DOCK3: variants seen among roughly 807,000 people sequenced by gnomAD.
The protein encoded by DOCK3 is dedicator of cytokinesis 3, also known as dedicator of cytokinesis protein 3.
Under a neutral mutation model 265.6 loss-of-function variants are expected in DOCK3, and 60 were observed. The observed-to-expected ratio is 0.23, with a 90% CI of 0.18 to 0.28. The LOEUF (loss-of-function observed/expected upper bound fraction) is 0.28. Among genes scored for constraint, DOCK3 ranks in the 10% least tolerant of loss-of-function variants. The pLI is 1.00. For missense variants in DOCK3, 1,981 were observed against 2,594.3 expected (o/e 0.76, Z 5.14); for synonymous variants, 881 against 938.0 (o/e 0.94, Z 1.11).
intron 22 of DOCK3, among the ~76,000 whole-genome samples, chr3:51,257,552 T>C (rs1011211421): frequency 5.3e-5 from 8 of 152,138 alleles, no homozygotes; most frequent in Admixed American, 3.9e-4. Context: ...TTAGGGTGGC[T>C]CTTCACAAGG....
intron 9 of DOCK3, among the ~76,000 whole-genome samples, chr3:51,115,824 G>A (rs1446533844): frequency 6.6e-6 from 1 of 152,128 alleles, no homozygotes; most frequent in Non-Finnish European, 1.5e-5. Context: ...TTTTGTATAA[G>A]TCGTAAGGAA....
At chr3:51,277,523 T>C (rs1183413439) in intron 25 of DOCK3, 85 bp from the exon 26 acceptor site, 52 of 1,458,696 alleles carry the variant, frequency 3.6e-5, no homozygotes, top group Non-Finnish European at 4.4e-5. Context: ...AGACTACTGC[T>C]GATGTGGCTG....
intron 27 of DOCK3, among the ~76,000 whole-genome samples, chr3:51,298,260 A>C (rs956623658): frequency 6.6e-6 from 1 of 152,230 alleles, no homozygotes; most frequent in South Asian, 2.1e-4. Context: ...AGAACCATGT[A>C]ATCCTTTCTG....
At chr3:51,166,628 A>G (rs2086421329) in intron 12 of DOCK3, among the ~76,000 whole-genome samples, 1 of 152,194 alleles carries the variant, frequency 6.6e-6, no homozygotes, top group South Asian at 2.1e-4. Context: ...ATCACTTGTT[A>G]TCTCTTGTTT....
At chr3:50,870,377 CTCT>C (rs1380813533) in intron 3 of DOCK3, among the ~76,000 whole-genome samples, 2 of 152,114 alleles carry the variant, frequency 1.3e-5, no homozygotes, top group Non-Finnish European at 2.9e-5. Context: ...ACTTCTTCAA[CTCT>C]TCTTATAATT....
At chr3:51,297,792 TAA>T (rs764751994) in intron 27 of DOCK3, among the ~76,000 whole-genome samples, 694 of 17,944 alleles carry the variant, frequency 0.039, 3 homozygotes, top group South Asian at 0.08. Context: ...ATAATAATAA[TAA>T]TTTTTTTTTA....
chr3:51,285,402 A>G (rs1371032344), intron 27 of DOCK3, among the ~76,000 whole-genome samples: 4 of 152,118 alleles, frequency 2.6e-5, no homozygotes, highest in Non-Finnish European at 5.9e-5. Context: ...AATAATGTTC[A>G]TAAAGATGCT....
intron 9 of DOCK3, among the ~76,000 whole-genome samples, chr3:51,132,754 G>A (rs773520619): frequency 1.1e-4 from 16 of 152,176 alleles, no homozygotes; most frequent in Non-Finnish European, 1.8e-4. Context: ...GTTAAAGTGA[G>A]GGCATTTATT....
chr3:51,351,451 C>A (rs1311703189), intron 40 of DOCK3, among the ~76,000 whole-genome samples: 3 of 152,148 alleles, frequency 2.0e-5, no homozygotes, highest in Non-Finnish European at 4.4e-5. Context: ...TCCAGGCTAA[C>A]CACATTGCAG....
chr3:50,933,605 A>C (rs1313723408), intron 4 of DOCK3, among the ~76,000 whole-genome samples: 1 of 152,190 alleles, frequency 6.6e-6, no homozygotes, highest in Non-Finnish European at 1.5e-5. Context: ...GGTATGAGCA[A>C]ACTTTCAAAC....
chr3:51,352,684 C>T (rs539459245), intron 40 of DOCK3, among the ~76,000 whole-genome samples: 74 of 152,360 alleles, frequency 4.9e-4, no homozygotes, highest in Non-Finnish European at 8.5e-4. Flanking sequence ...AACCCACATG[C>T]TACCTTCCCT....
In DOCK3 at chr3:51,035,962, G is replaced by A. The variant is rs115115889; in HGVS notation, c.316-28486G>A. On this transcript the variant is annotated intron_variant, in intron 5 of 52. Coordinates refer to ENST00000266037, the MANE Select transcript of DOCK3 (RefSeq NM_004947.5). ...TTCTCCCCTCACTAGTGCCCTGGTT[G>A]CCTATAATCTTCTCCTGATTCCCTT... Among the ~76,000 whole-genome samples, 745 of 152,202 alleles carry A rather than the reference G, an allele frequency of 4.9e-3. 9 individuals carry two copies. The highest frequency in any genetic ancestry group is 0.017 in the African/African-American group (700 of 41,526).
chr3:51,094,505 G>A (rs2082752231), intron 9 of DOCK3, among the ~76,000 whole-genome samples: 1 of 152,020 alleles, frequency 6.6e-6, no homozygotes, highest in African/African-American at 2.4e-5. Flanking sequence ...TGTGCAATAA[G>A]TGGTGATATC....
At chr3:51,318,944 A>C (rs1190213225) in intron 32 of DOCK3, among the ~76,000 whole-genome samples, 2 of 152,076 alleles carry the variant, frequency 1.3e-5, no homozygotes, top group Non-Finnish European at 2.9e-5. Flanking sequence ...TAGTTCTGGA[A>C]GCTTTTTTGC....
intron 30 of DOCK3, 54 bp from the exon 31 acceptor site, chr3:51,312,788 CCT>C: frequency 6.5e-7 from 1 of 1,549,554 alleles, no homozygotes; most frequent in East Asian, 2.3e-5. Flanking sequence ...GGTTTGCAGC[CCT>C]ATCCTCCTGA....
At chr3:50,962,616 A>AT in intron 5 of DOCK3, among the ~76,000 whole-genome samples, 1 of 152,336 alleles carries the variant, frequency 6.6e-6, no homozygotes, top group Middle Eastern at 3.4e-3. Flanking sequence ...GTATTTGAAT[A>AT]TTTTTATAAA....
chr3:51,168,981 A>T (rs2086543146), intron 12 of DOCK3, among the ~76,000 whole-genome samples: 1 of 152,214 alleles, frequency 6.6e-6, no homozygotes, highest in African/African-American at 2.4e-5. Context: ...AAGCATATGA[A>T]AAAAAGCTAA....
chr3:51,229,405 C>A, intron 18 of DOCK3, 107 bp from the exon 19 acceptor site: 1 of 672,958 alleles, frequency 1.5e-6, no homozygotes, highest in Non-Finnish European at 2.3e-6. Context: ...GAGCTGAGAT[C>A]ATACAACCGC....
intron 31 of DOCK3, 86 bp from the exon 32 acceptor site, chr3:51,314,894 A>G: frequency 7.0e-7 from 1 of 1,438,710 alleles, no homozygotes; most frequent in Non-Finnish European, 9.2e-7. Context: ...TCCAGTATGG[A>G]TTGTAGCATG....
Sources: allele counts gnomAD v4.1 joint callset (sites outside exome capture counted in the v4.1 genomes callset), GRCh38; gene constraint gnomAD v4.1.1; transcripts MANE v1.5; gene names NCBI Gene and HGNC (gene_info 2026-07-23, HGNC 2026-07-21).